ANK3: variants seen among roughly 807,000 people sequenced by gnomAD.
The protein encoded by ANK3 is ankyrin 3.
Under a neutral mutation model 370.9 loss-of-function variants are expected in ANK3, and 57 were observed. That is an observed-to-expected ratio of 0.15 (90% CI 0.12 to 0.19). The LOEUF is 0.19. Among genes scored for constraint, ANK3 ranks in the 10% least tolerant of loss-of-function variants. ANK3 has a pLI of 1.00. For synonymous variants in ANK3, 1,929 were observed against 1,946.3 expected, an observed-to-expected ratio of 0.99 and a Z score of 0.23; for missense variants, 4,439 against 5,302.1, an observed-to-expected ratio of 0.84 and a Z score of 5.06.
intron 1 of ANK3, among the ~76,000 whole-genome samples, chr10:60,695,057 A>G (rs1275807240): frequency 6.8e-6 from 1 of 147,836 alleles, no homozygotes; most frequent in Non-Finnish European, 1.5e-5. Flanking sequence ...AGGAAGATCT[A>G]CCAAGCAAAT....
At chr10:60,557,649 T>A (rs2077240097) in intron 2 of ANK3, among the ~76,000 whole-genome samples, 1 of 152,170 alleles carries the variant, frequency 6.6e-6, no homozygotes, top group African/African-American at 2.4e-5. Flanking sequence ...ATATAATATA[T>A]AATTATTACA....
chr10:60,642,812 TAAG>T (rs1394657093), intron 1 of ANK3, among the ~76,000 whole-genome samples: 1 of 152,106 alleles, frequency 6.6e-6, no homozygotes, highest in Non-Finnish European at 1.5e-5. Context: ...CATTTTATAA[TAAG>T]GAGTTAATTT....
chr10:60,242,700 A>T (rs1337745569), intron 7 of ANK3, among the ~76,000 whole-genome samples: 1 of 152,202 alleles, frequency 6.6e-6, no homozygotes, highest in Non-Finnish European at 1.5e-5. Context: ...CACTGCCTCC[A>T]TCACAGGGGT....
At chr10:60,666,598 T>C (rs1165669353) in intron 1 of ANK3, among the ~76,000 whole-genome samples, 1 of 152,190 alleles carries the variant, frequency 6.6e-6, no homozygotes, top group Non-Finnish European at 1.5e-5. Context: ...ACCACAGTTC[T>C]TAAAAATATA....
intron 1 of ANK3, among the ~76,000 whole-genome samples, chr10:60,327,877 A>C (rs1157514628): frequency 6.6e-6 from 1 of 152,148 alleles, no homozygotes; most frequent in African/African-American, 2.4e-5. Flanking sequence ...AGGCAACTGG[A>C]GTCTCATCCA....
intron 42 of ANK3, 119 bp downstream of exon 42, chr10:60,055,539 C>A (rs928641207): frequency 7.7e-7 from 1 of 1,305,950 alleles, no homozygotes; most frequent in African/African-American, 1.5e-5. Flanking sequence ...CAATTTCACA[C>A]ATTTATAATT....
chr10:60,519,624 C>T (rs556519664), intron 2 of ANK3, among the ~76,000 whole-genome samples: 1 of 152,234 alleles, frequency 6.6e-6, no homozygotes, highest in East Asian at 1.9e-4. Flanking sequence ...GAACAAGCCT[C>T]AGCATTCATC....
Position 60,514,111 on chromosome 10 carries a change from T to C in ANK3, c.96+101075A>G, listed in dbSNP as rs1221079623. On this transcript the variant is annotated intron_variant, in intron 2 of 43. Transcript: ENST00000373827. The stretch of plus-strand genomic sequence containing the variant: ...AATTTTCTTAACCTTTTCTGTAGCT[T>C]CCTTTATTATAAGAACACAGTATAT... Among the ~76,000 whole-genome samples, 4 of 152,160 alleles carry C rather than the reference T, an allele frequency of 2.6e-5. No individual in the cohort carries two copies. The East Asian group carries it at 7.7e-4, about 29-fold the overall frequency.
chr10:60,369,097 TA>T (rs112252854), intron 1 of ANK3, among the ~76,000 whole-genome samples: 27 of 151,506 alleles, frequency 1.8e-4, no homozygotes, highest in African/African-American at 4.1e-4. Context: ...TACTTCGGTT[TA>T]AAAAAAAACT....
chr10:60,577,378 C>T (rs1595309356), intron 2 of ANK3, among the ~76,000 whole-genome samples: 1 of 152,184 alleles, frequency 6.6e-6, no homozygotes, highest in East Asian at 1.9e-4. Flanking sequence ...GGCTGTCTCC[C>T]CACCCAAATC....
Position 60,365,937 on chromosome 10 carries a change from A to G in ANK3, c.114+23488T>C, listed in dbSNP as rs143915865. Among the ~76,000 whole-genome samples, 785 of 152,340 alleles carry G rather than the reference A, an allele frequency of 5.2e-3. 3 individuals are homozygous for G. The highest frequency in any genetic ancestry group is 0.014 in the Middle Eastern group (4 of 294). ...AATAATAATATGACAATAAATTACC[A>G]TATACATACAGCTGTTGAAACAACT... On this transcript the variant is annotated intron_variant, in intron 1 of 43. Coordinates refer to ENST00000280772, the MANE Select transcript of ANK3 (RefSeq NM_020987.5).
At chr10:60,337,027 A>T (rs966518923) in intron 1 of ANK3, among the ~76,000 whole-genome samples, 87 of 54,188 alleles carry the variant, frequency 1.6e-3, no homozygotes, top group African/African-American at 3.5e-3. Flanking sequence ...AAAAGGCTTT[A>T]AAAAAAAAAA....
At chr10:60,484,907 C>T (rs1286341081) in intron 2 of ANK3, among the ~76,000 whole-genome samples, 2 of 152,094 alleles carry the variant, frequency 1.3e-5, no homozygotes, top group East Asian at 1.9e-4. Context: ...CATACACACA[C>T]ATATGTGTGT....
At chr10:60,575,433 G>T (rs2077671539) in intron 2 of ANK3, among the ~76,000 whole-genome samples, 1 of 152,122 alleles carries the variant, frequency 6.6e-6, no homozygotes, top group African/African-American at 2.4e-5. Flanking sequence ...TGAGGAACTT[G>T]TGACTTTGAA....
At chr10:60,302,728 A>G (rs958191428) in intron 1 of ANK3, among the ~76,000 whole-genome samples, 1 of 152,230 alleles carries the variant, frequency 6.6e-6, no homozygotes, top group African/African-American at 2.4e-5. Flanking sequence ...TTAGCAAAAC[A>G]ATTTTGAGCA....
At chr10:60,627,642 G>C (rs911093274) in intron 1 of ANK3, among the ~76,000 whole-genome samples, 3 of 152,114 alleles carry the variant, frequency 2.0e-5, no homozygotes, top group African/African-American at 7.2e-5. Flanking sequence ...TCGTTTATCT[G>C]ACTTATTTGA....
At chr10:60,434,893 G>A (rs947981377) in intron 2 of ANK3, among the ~76,000 whole-genome samples, 5 of 152,142 alleles carry the variant, frequency 3.3e-5, no homozygotes, top group Admixed American at 3.3e-4. Context: ...ATGTGAACTT[G>A]AGTTTCTTTT....
At chr10:60,337,863 T>C (rs571263801) in intron 1 of ANK3, among the ~76,000 whole-genome samples, 1 of 152,320 alleles carries the variant, frequency 6.6e-6, no homozygotes, top group Non-Finnish European at 1.5e-5. Context: ...GAGTACCATA[T>C]TAGGAAAAAG....
intron 21 of ANK3, among the ~76,000 whole-genome samples, chr10:60,169,364 GTTTTTT>G (rs71015773): frequency 3.9e-5 from 2 of 51,902 alleles, no homozygotes; most frequent in Non-Finnish European, 7.3e-5. Flanking sequence ...TTGTCTCATA[GTTTTTT>G]TTTTTTTTTT....
Sources: gnomAD v4.1 joint callset for allele counts (sites outside exome capture counted in the v4.1 genomes callset) on GRCh38, gnomAD v4.1.1 for gene constraint, MANE v1.5 for transcripts, NCBI Gene and HGNC (gene_info 2026-07-23, HGNC 2026-07-21) for gene names.